Variants in OLAH observed in about 807,000 individuals in gnomAD.
The protein encoded by OLAH is oleoyl-ACP hydrolase.
In OLAH, 33 loss-of-function variants were observed where a neutral mutation model predicts 27.8. The ratio of observed to expected loss-of-function variants is 1.19; its 90% CI spans 0.90 to 1.59. OLAH has a LOEUF of 1.59. Among genes scored for constraint, OLAH ranks in the 40% most tolerant of loss-of-function variants. The pLI is 0.00. For missense variants in OLAH, 359 were observed against 310.8 expected (o/e 1.16, Z -1.17); for synonymous variants, 120 against 102.9 (o/e 1.17, Z -1.01).
intron 3 of OLAH, chr10:15,056,896 A>G (rs1483482614): frequency 6.5e-7 from 1 of 1,534,964 alleles, no homozygotes; most frequent in Non-Finnish European, 8.8e-7. Flanking sequence ...GCTTCAGCCT[A>G]CCCATGTGCT....
chr10:15,034,929 G>A (rs1455816631), intron 1 of OLAH, among the ~76,000 whole-genome samples: 1 of 151,696 alleles, frequency 6.6e-6, no homozygotes, highest in South Asian at 2.1e-4. Context: ...AGCTTCCCGA[G>A]TAGCTGGGAT....
chr10:15,039,245 G>A (rs183142715), upstream of OLAH, among the ~76,000 whole-genome samples: 368 of 152,086 alleles, frequency 2.4e-3, 1 homozygote, highest in Middle Eastern at 0.014. Context: ...AAAGGGAATT[G>A]CAACTCAAAG....
chr10:15,061,479 TG>T (rs990002285), intron 3 of OLAH, among the ~76,000 whole-genome samples: 1 of 151,964 alleles, frequency 6.6e-6, no homozygotes, highest in African/African-American at 2.4e-5. Flanking sequence ...TCAGTTCCTT[TG>T]TTTTTTTTTT....
chr10:15,036,201 A>T (rs971317082), intron 1 of OLAH, among the ~76,000 whole-genome samples: 2 of 152,050 alleles, frequency 1.3e-5, no homozygotes, highest in African/African-American at 4.8e-5. Context: ...TTATTTATTT[A>T]TTTTTTAAAG....
At chr10:15,041,667 C>T (rs375956143), upstream of OLAH, among the ~76,000 whole-genome samples, 7 of 151,956 alleles carry the variant, frequency 4.6e-5, no homozygotes, top group East Asian at 1.9e-4. Flanking sequence ...ACTCCACCTC[C>T]TTGGTTCAAG....
At chr10:15,068,556 C>G (rs2131377809) in intron 6 of OLAH, among the ~76,000 whole-genome samples, 1 of 152,154 alleles carries the variant, frequency 6.6e-6, no homozygotes, top group East Asian at 1.9e-4. Context: ...CCACACCCAG[C>G]TAATTTTTTT....
intron 3 of OLAH, among the ~76,000 whole-genome samples, chr10:15,055,313 G>A (rs1844225438): frequency 6.6e-6 from 1 of 152,178 alleles, no homozygotes; most frequent in African/African-American, 2.4e-5. Flanking sequence ...CTAGTGAAGT[G>A]CAGTTTTAAA....
At chr10:15,035,009 C>T (rs1843820382) in intron 1 of OLAH, among the ~76,000 whole-genome samples, 1 of 152,048 alleles carries the variant, frequency 6.6e-6, no homozygotes, top group Admixed American at 6.6e-5. Flanking sequence ...GCCATGTTGG[C>T]CAGGCTGGTC....
intron 1 of OLAH, among the ~76,000 whole-genome samples, chr10:15,037,101 A>C (rs1215775520): frequency 1.3e-5 from 2 of 151,886 alleles, no homozygotes; most frequent in East Asian, 3.9e-4. Context: ...TCAACAAACA[A>C]ACAAACAAAC....
intron 3 of OLAH, among the ~76,000 whole-genome samples, chr10:15,059,675 A>G (rs1844324601): frequency 6.6e-6 from 1 of 152,124 alleles, no homozygotes. Context: ...GTGTGGTGGC[A>G]TGTGCCTGTA....
intron 6 of OLAH, chr10:15,071,472 A>T (rs945614270): frequency 2.1e-6 from 2 of 956,020 alleles, no homozygotes; most frequent in Non-Finnish European, 1.2e-6. Context: ...GAGAGCTAAG[A>T]GTTACTAAAG....
chr10:15,041,918 A>T (rs1411829756), upstream of OLAH, among the ~76,000 whole-genome samples: 1 of 151,866 alleles, frequency 6.6e-6, no homozygotes, highest in East Asian at 1.9e-4. Flanking sequence ...TCTTCCTGAG[A>T]GGCCCAGTTA....
intron 3 of OLAH, among the ~76,000 whole-genome samples, chr10:15,060,486 G>T (rs1249332711): frequency 6.6e-6 from 1 of 151,748 alleles, no homozygotes; most frequent in Non-Finnish European, 1.5e-5. Context: ...CTTAATTGTG[G>T]ATAGTTTCTT....
At chr10:15,054,540 A>G (rs543356161) in intron 3 of OLAH, among the ~76,000 whole-genome samples, 18 of 152,044 alleles carry the variant, frequency 1.2e-4, no homozygotes, top group African/African-American at 4.1e-4. Flanking sequence ...CCAGTGTTTT[A>G]TTTTGTTTAG....
chr10:15,046,323 TATAAATAAATAAATAA>T (rs113256684), intron 1 of OLAH, among the ~76,000 whole-genome samples: 1 of 149,040 alleles, frequency 6.7e-6, no homozygotes, highest in Non-Finnish European at 1.5e-5. Context: ...CTCAAAAAAA[TATAAATAAATAAATAA>T]ATAAATAAAT....
intron 6 of OLAH, among the ~76,000 whole-genome samples, chr10:15,069,749 C>T (rs1194746193): frequency 1.3e-5 from 2 of 152,126 alleles, no homozygotes; most frequent in Non-Finnish European, 1.5e-5. Flanking sequence ...ACCTGTAATC[C>T]TAGCTACTCG....
chr10:15,061,094 C>T (rs1844353213), intron 3 of OLAH, among the ~76,000 whole-genome samples: 1 of 151,898 alleles, frequency 6.6e-6, no homozygotes, highest in African/African-American at 2.4e-5. Flanking sequence ...TTTATGTTAC[C>T]TGCACTCCAG....
intron 1 of OLAH, among the ~76,000 whole-genome samples, chr10:15,044,611 C>T (rs1002676131): frequency 6.6e-6 from 1 of 152,026 alleles, no homozygotes; most frequent in East Asian, 1.9e-4. Context: ...TATCCTTTAA[C>T]GTTTCTTTAA....
chr10:15,052,952 G>T (rs1174541089), intron 3 of OLAH, among the ~76,000 whole-genome samples: 1 of 151,844 alleles, frequency 6.6e-6, no homozygotes, highest in Non-Finnish European at 1.5e-5. Context: ...TGTTGGCCAG[G>T]CTGGTCTCGA....
Sources: gnomAD v4.1 joint callset for allele counts (sites outside exome capture counted in the v4.1 genomes callset) on GRCh38, gnomAD v4.1.1 for gene constraint, MANE v1.5 for transcripts, NCBI Gene and HGNC (gene_info 2026-07-23, HGNC 2026-07-21) for gene names.